The following SEC14L5 variants were observed in gnomAD, a reference collection of about 807,000 sequenced individuals.
The protein encoded by SEC14L5 is SEC14-like protein 5.
Under a neutral mutation model 84.6 loss-of-function variants are expected in SEC14L5, and 96 were observed. The ratio of observed to expected loss-of-function variants is 1.13; its 90% CI spans 0.96 to 1.34. The LOEUF (loss-of-function observed/expected upper bound fraction) is 1.34, where lower values mean the gene tolerates loss of function less well. SEC14L5 is among the 40% of genes most tolerant of loss of function. The pLI, the probability that SEC14L5 is intolerant of heterozygous loss-of-function variation, is 0.00. For synonymous variants in SEC14L5, 546 were observed against 383.4 expected, an observed-to-expected ratio of 1.42 and a Z score of -4.95; for missense variants, 1,224 against 942.5, an observed-to-expected ratio of 1.30 and a Z score of -3.91.
At chr16:5,011,546 G>C (rs1244144554) in intron 15 of SEC14L5, among the ~76,000 whole-genome samples, 1 of 152,204 alleles carries the variant, frequency 6.6e-6, no homozygotes, top group Non-Finnish European at 1.5e-5. Context: ...TGGAGGGGAG[G>C]AGAAGGGGAG....
At chr16:5,009,844 G>A (rs1415947287) in intron 14 of SEC14L5, among the ~76,000 whole-genome samples, 1 of 152,068 alleles carries the variant, frequency 6.6e-6, no homozygotes, top group African/African-American at 2.4e-5. Context: ...ATCTGGGAGG[G>A]GGTGAGAGGG....
chr16:4,970,998 C>G (rs548906912), intron 2 of SEC14L5, among the ~76,000 whole-genome samples: 1 of 151,600 alleles, frequency 6.6e-6, no homozygotes, highest in Admixed American at 6.6e-5. Flanking sequence ...GTCCCAGCTA[C>G]GCGGGGGGCT....
At chr16:4,998,960 A>G (rs1225423664) in intron 8 of SEC14L5, among the ~76,000 whole-genome samples, 1 of 152,198 alleles carries the variant, frequency 6.6e-6, no homozygotes, top group African/African-American at 2.4e-5. Context: ...ACATATTCAG[A>G]GTGGCGAAGT....
At chr16:4,976,922 C>A (rs1955348028) in intron 2 of SEC14L5, among the ~76,000 whole-genome samples, 3 of 152,150 alleles carry the variant, frequency 2.0e-5, no homozygotes, top group Admixed American at 1.3e-4. Flanking sequence ...AGCTGAGGCT[C>A]TTAGGCAGGG....
intron 2 of SEC14L5, among the ~76,000 whole-genome samples, chr16:4,984,489 T>C (rs957062057): frequency 6.6e-6 from 1 of 152,278 alleles, no homozygotes; most frequent in African/African-American, 2.4e-5. Context: ...ATAATGTTGC[T>C]ATAAATATTT....
At chr16:5,011,029 G>A (rs1955793611) in intron 14 of SEC14L5, 66 bp from the exon 15 acceptor site, 3 of 1,475,086 alleles carry the variant, frequency 2.0e-6, no homozygotes, top group Admixed American at 4.3e-5. Flanking sequence ...AGCCCATGAA[G>A]GCTCAGCCTC....
chr16:4,979,805 C>G (rs186188109), intron 2 of SEC14L5, among the ~76,000 whole-genome samples: 53 of 152,316 alleles, frequency 3.5e-4, no homozygotes, highest in African/African-American at 1.2e-3. Flanking sequence ...CTGCCGAGGT[C>G]CCTCCATCCC....
intron 2 of SEC14L5, among the ~76,000 whole-genome samples, chr16:4,973,170 G>C (rs1229066999): frequency 6.6e-6 from 1 of 152,186 alleles, no homozygotes; most frequent in African/African-American, 2.4e-5. Context: ...CTGTCAAGTG[G>C]CAGAGCTGGG....
At position 4,993,387 on chromosome 16, in the gene SEC14L5, A is replaced by G. The variant is rs867196087; in HGVS notation, c.667+1357A>G. Among the ~76,000 whole-genome samples the G allele has an allele frequency of 3.9e-5, 6 of 152,246 alleles. No homozygotes were observed. In the South Asian group the frequency reaches 6.2e-4, roughly 16 times the overall value. On this transcript the variant is annotated intron_variant, in intron 6 of 15. Coordinates refer to ENST00000251170, the MANE Select transcript of SEC14L5 (RefSeq NM_014692.2). ...CTCCTGAGTAGCTGGGATTACAGGC[A>G]TGTGCCACCACACCTGACTAATTTT...
intron 12 of SEC14L5, 125 bp downstream of exon 12, chr16:5,006,173 C>T (rs1357244885): frequency 3.2e-6 from 3 of 947,330 alleles, no homozygotes; most frequent in East Asian, 4.9e-5. Context: ...TGCACTCTGC[C>T]TAGGGCAGGT....
At position 4,990,819 on chromosome 16, in the gene SEC14L5, A is replaced by C; in HGVS notation, c.398A>C (p.Asp133Ala). Residue 133 changes from aspartate to alanine, a missense_variant, in exon 5 of 16, where the codon GAC becomes GCC. By Grantham distance (126) the Asp-to-Ala change is moderately radical. Coordinates refer to ENST00000251170, the MANE Select transcript of SEC14L5 (RefSeq NM_014692.2). The stretch of plus-strand genomic sequence containing the variant: ...TGCTTCGAGCAGTCTGCCTCACTGG[A>C]CATTCGGTCTTTCTTTGGCTTTGAA... ...WTCFEQSASL[D>A]IRSFFGFENA... 6.2e-7 allele frequency: 1 copy of C among 1,612,218 alleles called. No homozygotes were observed. The highest frequency in any genetic ancestry group is 8.5e-7 in the Non-Finnish European group (1 of 1,179,034).
At chr16:4,999,281 A>C (rs1214908738) in intron 8 of SEC14L5, among the ~76,000 whole-genome samples, 3 of 152,172 alleles carry the variant, frequency 2.0e-5, no homozygotes, top group Non-Finnish European at 2.9e-5. Flanking sequence ...CAATGCTGAC[A>C]GATCAGCAAT....
intron 6 of SEC14L5, among the ~76,000 whole-genome samples, chr16:4,992,256 T>C (rs1955561221): frequency 6.6e-6 from 1 of 152,220 alleles, no homozygotes; most frequent in Non-Finnish European, 1.5e-5. Context: ...TCTTTTCTTT[T>C]CTTTTCTTTT....
intron 2 of SEC14L5, among the ~76,000 whole-genome samples, chr16:4,983,066 G>A (rs1048576682): frequency 2.0e-5 from 3 of 151,990 alleles, no homozygotes; most frequent in Admixed American, 6.6e-5. Context: ...TCAGTGGCAC[G>A]ATCTCCGCTT....
intron 3 of SEC14L5, 85 bp downstream of exon 3, chr16:4,987,791 G>A (rs1420455447): frequency 5.6e-6 from 6 of 1,077,248 alleles, no homozygotes; most frequent in Non-Finnish European, 7.7e-6. Context: ...GGGGACCAGG[G>A]CGGCGGGGTC....
intron 12 of SEC14L5, among the ~76,000 whole-genome samples, chr16:5,006,326 A>G (rs761826250): frequency 3.9e-4 from 59 of 152,242 alleles, no homozygotes; most frequent in Non-Finnish European, 2.5e-4. Context: ...AGATTAGGCC[A>G]GTCAAAGGCT....
rs759735266 is a variant in SEC14L5, at chr16:5,006,012, A to G, written c.1401A>G (p.Arg467=). Reference sequence around the variant, plus strand: ...GAGGCCTTGTGGACTATCTGGATAGAGAAGTGATCCCTGACTTCCTTGGGG... The same window carrying G: ...GAGGCCTTGTGGACTATCTGGATAGGGAAGTGATCCCTGACTTCCTTGGGG... ...GPGGLVDYLD[R]EVIPDFLGGE... is the part of the protein sequence containing the mutation. The change falls in exon 12 of 16, where the codon AGA becomes AGG. Residue 467 remains arginine, a synonymous_variant. Transcript: ENST00000251170. 1 of 1,613,946 alleles carries G rather than the reference A, an allele frequency of 6.2e-7. No individual in the cohort carries two copies. Among genetic ancestry groups the G allele is most frequent in the South Asian group, 1.1e-5 (1 of 91,072 alleles).
rs375432714 is a variant in SEC14L5, at chr16:5,000,815, A to G, written c.1060-40A>G. 3.4e-5 allele frequency: 54 copies of G among 1,575,040 alleles called. No individual in the cohort carries two copies. The African/African-American group carries it at 4.9e-4, about 14-fold the overall frequency. Reference sequence around the variant, plus strand: ...TGGGAAGGACTGTGTGGGGTAAAGCAGCGAGGCGGACGTTGAGCAGCACTG... The same window carrying G: ...TGGGAAGGACTGTGTGGGGTAAAGCGGCGAGGCGGACGTTGAGCAGCACTG... On this transcript the variant is annotated intron_variant, in intron 9 of 15. Transcript: ENST00000251170.
rs757793422 is a variant in SEC14L5 at position 5,005,967 on chromosome 16, C to T, written c.1356C>T (p.Gly452=). Residue 452 remains glycine (G), a synonymous_variant, in exon 12 of 16, where the codon GGC becomes GGT. Transcript: ENST00000251170. ...GGCGGAAGTTCCTCATCTACAGTGG[C>T]AGCAACTACCAGGGACCCGGAGGCC... The part of the protein sequence containing the change: ...NTRRKFLIYS[G]SNYQGPGGLV... 4 of 1,612,728 alleles carry T rather than the reference C, an allele frequency of 2.5e-6. No homozygotes were observed. Among genetic ancestry groups the T allele is most frequent in the Non-Finnish European group, 3.4e-6 (4 of 1,179,478 alleles).
Sources: gnomAD v4.1 joint callset for allele counts (sites outside exome capture counted in the v4.1 genomes callset) on GRCh38, gnomAD v4.1.1 for gene constraint, MANE v1.5 for transcripts, NCBI Gene and HGNC (gene_info 2026-07-23, HGNC 2026-07-21) for gene names.